The following TRIM37 variants were observed in gnomAD, a reference collection of about 807,000 sequenced individuals.
The protein encoded by TRIM37 is E3 ubiquitin-protein ligase TRIM37.
In TRIM37, 80 loss-of-function variants were observed where a neutral mutation model predicts 129.8. The ratio of observed to expected loss-of-function variants is 0.62; its 90% CI spans 0.51 to 0.74. TRIM37 has a LOEUF of 0.74. Among genes scored for constraint, TRIM37 ranks in the 30% least tolerant of loss-of-function variants. The probability of loss-of-function intolerance (pLI) is 0.00; values close to 1 mark genes in which losing one functional copy is unlikely to be tolerated. For missense variants in TRIM37, 1,054 were observed against 1,176.5 expected (o/e 0.90, Z 1.52); for synonymous variants, 389 against 387.1 (o/e 1.00, Z -0.06).
At chr17:58,995,858 T>G (rs2032933883), downstream of TRIM37, among the ~76,000 whole-genome samples, 1 of 151,894 alleles carries the variant, frequency 6.6e-6, no homozygotes, top group Admixed American at 6.6e-5. Context: ...AATACAAAAA[T>G]TATCCCAGTG....
At chr17:59,062,706 A>C (rs1452706965) in intron 10 of TRIM37, 58 bp from the exon 11 acceptor site, 13 of 1,449,570 alleles carry the variant, frequency 9.0e-6, no homozygotes, top group Non-Finnish European at 1.9e-6. Flanking sequence ...AAATGGCAAC[A>C]GGCAAAAAGA....
rs1025836125 is a variant in TRIM37, at chr17:59,062,437, A to C, written c.942+130T>G. The C allele has an allele frequency of 9.5e-6, 7 of 733,178 alleles. No individual in the cohort carries two copies. The East Asian group carries it at 1.9e-4, about 20-fold the overall frequency. The allele number at this position is 733,178 out of a possible 1,614,324, so 45.4% of individuals were successfully genotyped here. On this transcript the variant is annotated intron_variant, in intron 11 of 23. Coordinates refer to ENST00000262294, the MANE Select transcript of TRIM37 (RefSeq NM_015294.6). ...TCTAATATGGGGGAAGAAGGGGAAC[A>C]GGGAATGCGGACAGCATATGTAACA...
At chr17:59,043,139 C>T (rs1370359975) in intron 16 of TRIM37, among the ~76,000 whole-genome samples, 1 of 152,160 alleles carries the variant, frequency 6.6e-6, no homozygotes, top group African/African-American at 2.4e-5. Flanking sequence ...CAAAGTCTCT[C>T]ATGTTAAAAA....
intron 17 of TRIM37, among the ~76,000 whole-genome samples, chr17:59,034,243 A>G (rs1343723767): frequency 6.6e-6 from 1 of 152,140 alleles, no homozygotes; most frequent in African/African-American, 2.4e-5. Context: ...TCCTTTAAAA[A>G]TGTAAGTTGC....
chr17:59,026,897 G>T (rs1488961620), intron 19 of TRIM37, among the ~76,000 whole-genome samples: 1 of 152,132 alleles, frequency 6.6e-6, no homozygotes, highest in African/African-American at 2.4e-5. Flanking sequence ...TTTGATTTTT[G>T]AGATATTATC....
intron 12 of TRIM37, among the ~76,000 whole-genome samples, chr17:59,060,194 T>C (rs1265035691): frequency 6.6e-6 from 1 of 152,168 alleles, no homozygotes; most frequent in Non-Finnish European, 1.5e-5. Flanking sequence ...AGCTCCTCCC[T>C]GTGTTGCAGC....
chr17:59,048,691 G>A (rs1329184437), intron 15 of TRIM37, among the ~76,000 whole-genome samples: 1 of 152,038 alleles, frequency 6.6e-6, no homozygotes, highest in African/African-American at 2.4e-5. Context: ...CCGCCTCCTA[G>A]GTTCAAGTGA....
At chr17:58,981,232 A>G (rs2031340461), downstream of TRIM37, 4 of 530,202 alleles carry the variant, frequency 7.5e-6, no homozygotes, top group East Asian at 1.3e-4. Flanking sequence ...TTCACTTGCA[A>G]AATTACACAG....
intron 13 of TRIM37, among the ~76,000 whole-genome samples, chr17:59,053,369 T>C (rs189153201): frequency 6.6e-5 from 10 of 152,328 alleles, no homozygotes; most frequent in African/African-American, 2.2e-4. Context: ...AATAGGATAA[T>C]GTGAAGCCCC....
intron 19 of TRIM37, among the ~76,000 whole-genome samples, chr17:59,024,490 C>T (rs1336730605): frequency 6.6e-6 from 1 of 152,148 alleles, no homozygotes; most frequent in Non-Finnish European, 1.5e-5. Flanking sequence ...CATTCCTAGA[C>T]ATGAATGTTT....
At chr17:59,079,169 T>C (rs926285315) in intron 7 of TRIM37, among the ~76,000 whole-genome samples, 3 of 151,926 alleles carry the variant, frequency 2.0e-5, no homozygotes, top group Non-Finnish European at 4.4e-5. Flanking sequence ...AGGACTAAGA[T>C]CACCAAAACA....
At chr17:59,025,483 T>C (rs2037148470) in intron 19 of TRIM37, among the ~76,000 whole-genome samples, 1 of 151,864 alleles carries the variant, frequency 6.6e-6, no homozygotes, top group South Asian at 2.1e-4. Flanking sequence ...AGATAAAATT[T>C]TAAAACTCTG....
Position 58,998,478 on chromosome 17 carries a change from A to C in TRIM37, c.*899T>G, listed in dbSNP as rs2033239225. The C allele has an allele frequency of 2.0e-6, 2 of 985,352 alleles. No individual in the cohort carries two copies. The highest frequency in any genetic ancestry group is 5.2e-4 in the Middle Eastern group (1 of 1,936). The allele number at this position is 985,352 out of a possible 1,614,324, so 61.0% of individuals were successfully genotyped here. Reference sequence around the variant, plus strand: ...AAAGTTTGGCAACTGTTTTGGGCTAATTATGAGTATGAAAGAAAACCTTAT... The same window carrying C: ...AAAGTTTGGCAACTGTTTTGGGCTACTTATGAGTATGAAAGAAAACCTTAT... On this transcript the variant is annotated 3_prime_UTR_variant, in exon 24 of 24. Transcript: ENST00000262294.
intron 12 of TRIM37, among the ~76,000 whole-genome samples, chr17:59,060,820 T>C (rs2041418027): frequency 6.6e-6 from 1 of 152,146 alleles, no homozygotes; most frequent in Admixed American, 6.5e-5. Context: ...AGCCAGATAG[T>C]AAAGAGATTT....
chr17:59,029,249 G>A (rs2037569616), intron 18 of TRIM37, among the ~76,000 whole-genome samples: 2 of 152,086 alleles, frequency 1.3e-5, no homozygotes, highest in African/African-American at 4.8e-5. Context: ...GGAGCATAGT[G>A]ACACCCTATC....
chr17:59,043,350 A>G (rs190730862), intron 16 of TRIM37, among the ~76,000 whole-genome samples: 1 of 152,308 alleles, frequency 6.6e-6, no homozygotes, highest in East Asian at 1.9e-4. Flanking sequence ...TCCCAAGGGC[A>G]TACAGCAAAT....
chr17:59,087,418 T>C (rs1463078163), intron 4 of TRIM37, among the ~76,000 whole-genome samples: 1 of 151,738 alleles, frequency 6.6e-6, no homozygotes, highest in Non-Finnish European at 1.5e-5. Flanking sequence ...TAATTCTGAT[T>C]ATGCATTAAT....
intron 22 of TRIM37, among the ~76,000 whole-genome samples, chr17:59,008,230 C>T (rs995089996): frequency 5.3e-5 from 8 of 152,214 alleles, no homozygotes; most frequent in African/African-American, 1.9e-4. Context: ...CAGATACCAA[C>T]AAATTACAAG....
intron 10 of TRIM37, among the ~76,000 whole-genome samples, 159 bp from the exon 11 acceptor site, chr17:59,062,807 A>C (rs1018487982): frequency 2.6e-5 from 4 of 152,230 alleles, no homozygotes; most frequent in Admixed American, 2.6e-4. Context: ...AAAAGTTTAG[A>C]TATGCTTACA....
Sources: gnomAD v4.1 joint callset for allele counts (sites outside exome capture counted in the v4.1 genomes callset) on GRCh38, gnomAD v4.1.1 for gene constraint, MANE v1.5 for transcripts, NCBI Gene and HGNC (gene_info 2026-07-23, HGNC 2026-07-21) for gene names.